The following CD44 variants were observed in gnomAD, a reference collection of about 807,000 sequenced individuals.
The protein encoded by CD44 is CD44 molecule (IN blood group).
CD44 carries 49 observed loss-of-function variants against 88.8 expected under a neutral mutation model. That is an observed-to-expected ratio of 0.55 (90% confidence interval 0.44 to 0.70). CD44 has a LOEUF of 0.70. Among genes scored for constraint, CD44 ranks in the 30% least tolerant of loss-of-function variants. The pLI, the probability that CD44 is intolerant of heterozygous loss-of-function variation, is 0.00. For synonymous variants in CD44, 325 were observed against 312.3 expected, an observed-to-expected ratio of 1.04 and a Z score of -0.43; for missense variants, 883 against 913.8, an observed-to-expected ratio of 0.97 and a Z score of 0.43.
intron 3 of CD44, among the ~76,000 whole-genome samples, chr11:35,181,861 T>TTA (rs753285506): frequency 8.9e-4 from 75 of 84,470 alleles, no homozygotes; most frequent in South Asian, 1.5e-3. Context: ...ATATATAAAT[T>TTA]TATATATATA....
chr11:35,149,183 CAG>C (rs1211086615), intron 1 of CD44, among the ~76,000 whole-genome samples: 107 of 152,288 alleles, frequency 7.0e-4, no homozygotes, highest in African/African-American at 2.6e-3. Flanking sequence ...CAACAATACT[CAG>C]AGAAAAATTG....
At chr11:35,192,262 T>C (rs1317363346) in intron 5 of CD44, among the ~76,000 whole-genome samples, 7 of 152,218 alleles carry the variant, frequency 4.6e-5, no homozygotes, top group Non-Finnish European at 8.8e-5. Flanking sequence ...ATGGGACCAG[T>C]AGCAGCTCCA....
intron 17 of CD44, chr11:35,222,349 C>T (rs1037280711): frequency 5.2e-6 from 6 of 1,146,926 alleles, no homozygotes; most frequent in Non-Finnish European, 7.1e-6. Flanking sequence ...GTAATGATAT[C>T]ATTTTCTATT....
intron 1 of CD44, among the ~76,000 whole-genome samples, chr11:35,169,250 C>T (rs1361390279): frequency 1.3e-5 from 2 of 152,086 alleles, no homozygotes; most frequent in East Asian, 3.8e-4. Flanking sequence ...AAGGGAGACA[C>T]CATTTCTGTT....
intron 1 of CD44, among the ~76,000 whole-genome samples, chr11:35,153,904 C>T (rs1266604142): frequency 6.6e-6 from 1 of 152,198 alleles, no homozygotes; most frequent in Non-Finnish European, 1.5e-5. Flanking sequence ...CACTGTCTCA[C>T]CATTGGGTCT....
chr11:35,152,446 G>A (rs1202878684), intron 1 of CD44, among the ~76,000 whole-genome samples: 1 of 152,206 alleles, frequency 6.6e-6, no homozygotes, highest in Non-Finnish European at 1.5e-5. Context: ...AAGCCTAATT[G>A]TTTGACCTTG....
intron 1 of CD44, among the ~76,000 whole-genome samples, chr11:35,152,335 T>G (rs150409374): frequency 1.3e-5 from 2 of 152,290 alleles, no homozygotes; most frequent in Non-Finnish European, 2.9e-5. Context: ...GCAGGTAAGA[T>G]AAGATAGAAC....
chr11:35,225,826 A>AAAACAAAC (rs547109195), intron 17 of CD44, among the ~76,000 whole-genome samples: 6 of 152,080 alleles, frequency 3.9e-5, no homozygotes, highest in Non-Finnish European at 7.4e-5. Context: ...AAAACAAAAC[A>AAAACAAAC]AAACAAACAA....
chr11:35,190,893 A>G (rs1946201795), intron 5 of CD44, among the ~76,000 whole-genome samples: 1 of 152,192 alleles, frequency 6.6e-6, no homozygotes, highest in South Asian at 2.1e-4. Flanking sequence ...GTATGTAAAC[A>G]TTGCGTTCCA....
At chr11:35,181,957 TTTTA>T (rs1426155870) in intron 3 of CD44, among the ~76,000 whole-genome samples, 2 of 77,422 alleles carry the variant, frequency 2.6e-5, no homozygotes, top group Non-Finnish European at 2.5e-5. Flanking sequence ...TATATATAAA[TTTTA>T]TATATATAAA....
chr11:35,163,728 C>G (rs1281900438), intron 1 of CD44, among the ~76,000 whole-genome samples: 1 of 152,126 alleles, frequency 6.6e-6, no homozygotes, highest in African/African-American at 2.4e-5. Context: ...CTCCCTCCCC[C>G]CAGCTAAATG....
intron 9 of CD44, among the ~76,000 whole-genome samples, chr11:35,203,814 C>A (rs1947550502): frequency 6.6e-6 from 1 of 151,988 alleles, no homozygotes; most frequent in African/African-American, 2.4e-5. Context: ...TTGATTTTGT[C>A]CTTTTTAAAA....
chr11:35,172,287 A>C (rs1943995060), intron 1 of CD44, among the ~76,000 whole-genome samples: 1 of 152,140 alleles, frequency 6.6e-6, no homozygotes, highest in Admixed American at 6.5e-5. Context: ...ATAATTCTCA[A>C]AGAAATGCTT....
chr11:35,141,704 G>A (rs534903913), intron 1 of CD44, among the ~76,000 whole-genome samples: 5 of 152,248 alleles, frequency 3.3e-5, no homozygotes, highest in East Asian at 1.9e-4. Flanking sequence ...GCCCCTTTGC[G>A]CAGCATCATT....
chr11:35,146,440 GTTCTATGT>G (rs1199506445), intron 1 of CD44, among the ~76,000 whole-genome samples: 1 of 152,186 alleles, frequency 6.6e-6, no homozygotes, highest in Admixed American at 6.5e-5. Context: ...CTTTGCACAA[GTTCTATGT>G]TTCTGAGAAC....
chr11:35,223,580 C>G (rs574706124), intron 17 of CD44, among the ~76,000 whole-genome samples: 9 of 152,300 alleles, frequency 5.9e-5, no homozygotes, highest in African/African-American at 2.2e-4. Flanking sequence ...CCCTCTCCCT[C>G]CTCCCAAGAC....
At chr11:35,214,949 T>C (rs941474933) in intron 15 of CD44, 35 bp downstream of exon 15, 20 of 1,387,798 alleles carry the variant, frequency 1.4e-5, no homozygotes, top group Middle Eastern at 1.8e-4. Flanking sequence ...TTTACTGTTA[T>C]AATCATTGAG....
rs1486683264 is a variant in CD44 at position 35,207,700 on chromosome 11, C to T, written c.1415-405C>T. Among the ~76,000 whole-genome samples the T allele has an allele frequency of 8.6e-5, 13 of 151,944 alleles. No individual in the cohort carries two copies. In the East Asian group the frequency reaches 9.6e-4, roughly 11 times the overall value. ...GGGAAGAGGGCTATTTTTAAAAGTC[C>T]CTTTGGTTGGTAAGGGGGAGGGGAT... On this transcript the variant is annotated intron_variant, in intron 11 of 17. Transcript: ENST00000428726.
At chr11:35,179,891 C>T (rs1591084235) in intron 2 of CD44, among the ~76,000 whole-genome samples, 1 of 152,196 alleles carries the variant, frequency 6.6e-6, no homozygotes, top group African/African-American at 2.4e-5. Context: ...TTCTGGAAAA[C>T]ATGAAGGTAT....
Sources: allele counts gnomAD v4.1 joint callset (sites outside exome capture counted in the v4.1 genomes callset), GRCh38; gene constraint gnomAD v4.1.1; transcripts MANE v1.5; gene names NCBI Gene and HGNC (gene_info 2026-07-23, HGNC 2026-07-21).